The following DRC11 variants were observed in gnomAD, a reference collection of about 807,000 sequenced individuals.
DRC11 encodes the protein dynein regulatory complex subunit 11, also known as IQ and AAA domain-containing protein 1.
chr2:236,503,439 C>T, the DRC11 span, among the ~76,000 whole-genome samples: 11 of 152,314 alleles, frequency 7.2e-5, no homozygotes, highest in African/African-American at 1.4e-4. This position sits in a 1 kb window ranked among gnomAD's most constrained non-coding sequence, Gnocchi z 4.9. Flanking sequence ...CAGGGCCTCA[C>T]GGAGCTGACC....
the DRC11 span, among the ~76,000 whole-genome samples, chr2:236,318,403 C>CT: frequency 6.4e-4 from 97 of 152,210 alleles, 2 homozygotes; most frequent in South Asian, 0.016. This position sits in a 1 kb window ranked among gnomAD's most constrained non-coding sequence, Gnocchi z 7.0. Flanking sequence ...AGCTGTGGGA[C>CT]TGCACGCATG....
chr2:236,439,165 A>G, the DRC11 span, among the ~76,000 whole-genome samples: 1 of 151,130 alleles, frequency 6.6e-6, no homozygotes, highest in Non-Finnish European at 1.5e-5. Context: ...AGAACTAGAA[A>G]AGCAAGAGCA....
At chr2:236,392,367 TAAAGAA>T in the DRC11 span, 31 of 1,418,418 alleles carry the variant, frequency 2.2e-5, no homozygotes, top group South Asian at 8.1e-5. This position sits in a 1 kb window ranked among gnomAD's most constrained non-coding sequence, Gnocchi z 5.1. Flanking sequence ...TCCAGAAGGG[TAAAGAA>T]AAAGAAAAAG....
At chr2:236,366,577 T>G in the DRC11 span, among the ~76,000 whole-genome samples, 3 of 151,996 alleles carry the variant, frequency 2.0e-5, no homozygotes, top group African/African-American at 7.2e-5. Context: ...TTTTGGACAG[T>G]AGGTTCCTCA....
the DRC11 span, among the ~76,000 whole-genome samples, chr2:236,461,127 G>T: frequency 6.6e-6 from 1 of 152,162 alleles, no homozygotes; most frequent in Non-Finnish European, 1.5e-5. This position sits in a 1 kb window ranked among gnomAD's most constrained non-coding sequence, Gnocchi z 4.0. Flanking sequence ...CATATTTGGG[G>T]TTACAGTTGT....
the DRC11 span, among the ~76,000 whole-genome samples, chr2:236,347,516 A>C: frequency 7.0e-6 from 1 of 143,154 alleles, no homozygotes; most frequent in Non-Finnish European, 1.6e-5. Context: ...TGCTATATAT[A>C]TATATATATA....
chr2:236,429,033 A>T, the DRC11 span, among the ~76,000 whole-genome samples: 1 of 152,178 alleles, frequency 6.6e-6, no homozygotes, highest in South Asian at 2.1e-4. This position sits in a 1 kb window ranked among gnomAD's most constrained non-coding sequence, Gnocchi z 5.9. Flanking sequence ...AAATTTCAAG[A>T]AGTAGTCACC....
chr2:236,439,347 A>G, the DRC11 span, among the ~76,000 whole-genome samples: 1 of 152,196 alleles, frequency 6.6e-6, no homozygotes, highest in African/African-American at 2.4e-5. Context: ...TTTTAAAAAA[A>G]CTTTTGGGAT....
chr2:236,475,855 G>A, the DRC11 span, among the ~76,000 whole-genome samples: 1 of 152,116 alleles, frequency 6.6e-6, no homozygotes, highest in Non-Finnish European at 1.5e-5. The surrounding 1 kb of genome is among the most constrained non-coding windows in gnomAD (Gnocchi z 4.8). Context: ...GGTTCTTGGA[G>A]TCTTTGTCGA....
the DRC11 span, among the ~76,000 whole-genome samples, chr2:236,342,531 G>A: frequency 1.3e-5 from 2 of 152,326 alleles, no homozygotes; most frequent in South Asian, 4.1e-4. This position sits in a 1 kb window ranked among gnomAD's most constrained non-coding sequence, Gnocchi z 5.8. Flanking sequence ...GCCCAGTCAT[G>A]GCTCTGGAGA....
the DRC11 span, chr2:236,408,166 T>G: frequency 1.4e-6 from 1 of 712,542 alleles, no homozygotes; most frequent in African/African-American, 1.7e-5. This position sits in a 1 kb window ranked among gnomAD's most constrained non-coding sequence, Gnocchi z 5.5. Flanking sequence ...AGTGGAGGCA[T>G]TGTTCTTGAT....
the DRC11 span, chr2:236,363,706 A>G: frequency 1.7e-6 from 2 of 1,168,026 alleles, no homozygotes; most frequent in African/African-American, 1.5e-5. This position sits in a 1 kb window ranked among gnomAD's most constrained non-coding sequence, Gnocchi z 5.6. Context: ...CTGCCAATGG[A>G]AATTATCTGC....
chr2:236,376,898 C>T, the DRC11 span, among the ~76,000 whole-genome samples: 1 of 152,188 alleles, frequency 6.6e-6, no homozygotes, highest in South Asian at 2.1e-4. This position sits in a 1 kb window ranked among gnomAD's most constrained non-coding sequence, Gnocchi z 5.7. Context: ...GAGCTGCAAC[C>T]ATTTTATTAA....
chr2:236,356,339 G>A, the DRC11 span, among the ~76,000 whole-genome samples: 3 of 152,322 alleles, frequency 2.0e-5, no homozygotes, highest in Non-Finnish European at 2.9e-5. Context: ...ACAGGAAGAA[G>A]CAGGATGGCC....
the DRC11 span, among the ~76,000 whole-genome samples, chr2:236,357,215 T>TC: frequency 2.8e-5 from 3 of 107,782 alleles, no homozygotes; most frequent in Admixed American, 1.0e-4. Context: ...ATTCATATAG[T>TC]ATATATCTAT....
At chr2:236,357,779 A>G in the DRC11 span, among the ~76,000 whole-genome samples, 3 of 126,448 alleles carry the variant, frequency 2.4e-5, no homozygotes, top group Admixed American at 8.5e-5. Flanking sequence ...ATGTAAATAT[A>G]TGTTATATAT....
chr2:236,438,845 G>T, the DRC11 span, among the ~76,000 whole-genome samples: 4 of 151,968 alleles, frequency 2.6e-5, no homozygotes, highest in Admixed American at 2.0e-4. Context: ...GAACGTAAAA[G>T]AACAGAAATT....
the DRC11 span, among the ~76,000 whole-genome samples, chr2:236,500,955 C>T: frequency 6.6e-6 from 1 of 152,172 alleles, no homozygotes; most frequent in Admixed American, 6.5e-5. The surrounding 1 kb of genome is among the most constrained non-coding windows in gnomAD (Gnocchi z 6.3). Flanking sequence ...ACCTCGGCCT[C>T]CCAAAGTGCT....
At chr2:236,365,891 G>T in the DRC11 span, among the ~76,000 whole-genome samples, 2 of 152,152 alleles carry the variant, frequency 1.3e-5, no homozygotes, top group African/African-American at 4.8e-5. This position sits in a 1 kb window ranked among gnomAD's most constrained non-coding sequence, Gnocchi z 7.4. Flanking sequence ...TATGGTTCCA[G>T]TTTTCGCACC....
Sources: allele counts gnomAD v4.1 joint callset (sites outside exome capture counted in the v4.1 genomes callset), GRCh38; gene constraint gnomAD v4.1.1; non-coding constraint Gnocchi (gnomAD v3.1); transcripts MANE v1.5; gene names NCBI Gene and HGNC (gene_info 2026-07-23, HGNC 2026-07-21).